Variants in NR3C2 observed in about 807,000 individuals in gnomAD.
NR3C2 encodes mineralocorticoid receptor.
In NR3C2, 15 loss-of-function variants were observed where a neutral mutation model predicts 86.4. That is an observed-to-expected ratio of 0.17 (90% CI 0.12 to 0.27). The LOEUF (loss-of-function observed/expected upper bound fraction) is 0.27. NR3C2 is among the 10% of genes least tolerant of loss of function. The probability of loss-of-function intolerance (pLI) is 1.00; values close to 1 mark genes in which losing one functional copy is unlikely to be tolerated. For missense variants in NR3C2, 960 were observed against 1,195.6 expected (o/e 0.80, Z 2.91); for synonymous variants, 458 against 450.5 (o/e 1.02, Z -0.21).
chr4:148,391,882 A>G (rs977830508), intron 2 of NR3C2, among the ~76,000 whole-genome samples: 4 of 151,534 alleles, frequency 2.6e-5, no homozygotes, highest in African/African-American at 9.7e-5. Flanking sequence ...AAAAAAAAAA[A>G]GAAAGTCAAA....
At chr4:148,141,417 ATCTCTCTC>A (rs150410024) in intron 6 of NR3C2, among the ~76,000 whole-genome samples, 1 of 146,622 alleles carries the variant, frequency 6.8e-6, no homozygotes, top group Non-Finnish European at 1.5e-5. Context: ...GTGAGACTCC[ATCTCTCTC>A]TCTCTCTCTC....
At chr4:148,163,753 A>G (rs985564848) in intron 4 of NR3C2, among the ~76,000 whole-genome samples, 2 of 152,206 alleles carry the variant, frequency 1.3e-5, no homozygotes, top group African/African-American at 2.4e-5. Context: ...GAGAATCTAT[A>G]TGTCAGGTAC....
intron 6 of NR3C2, among the ~76,000 whole-genome samples, chr4:148,151,384 A>C (rs1560947930): frequency 1.3e-5 from 2 of 152,170 alleles, no homozygotes; most frequent in Non-Finnish European, 2.9e-5. Flanking sequence ...AAGTTAATTA[A>C]ATTGTGCAAG....
chr4:148,239,006 A>G (rs752329077), intron 3 of NR3C2, among the ~76,000 whole-genome samples: 24 of 152,198 alleles, frequency 1.6e-4, no homozygotes, highest in Admixed American at 3.3e-4. Flanking sequence ...AAGCAGCCCA[A>G]CAGACAGATG....
chr4:148,416,521 C>T (rs1749011245), intron 2 of NR3C2, among the ~76,000 whole-genome samples: 1 of 152,196 alleles, frequency 6.6e-6, no homozygotes, highest in Non-Finnish European at 1.5e-5. Flanking sequence ...CTGAGGACAC[C>T]TGGCTGAAGA....
chr4:148,435,192 C>A lies in NR3C2; in HGVS notation c.1669G>T (p.Val557Leu). The A allele has an allele frequency of 6.2e-7, 1 of 1,614,152 alleles. No homozygotes were observed. The change falls in exon 2 of 9, where the codon GTG becomes TTG. Residue 557 changes from valine to leucine, a missense_variant. Physicochemically the swap from Val to Leu is conservative, Grantham distance 32. Around this residue, in one of 4 missense-constraint regions of NR3C2, gnomAD observed 680 missense variants for 719.0 expected, o/e 0.95. Coordinates refer to ENST00000358102, the MANE Select transcript of NR3C2 (RefSeq NM_000901.5). ...LSSFPPVNTL[V>L]ESWKSHGDLS... Reference sequence around the variant, plus strand: ...TCGCCGTGTGATTTCCATGACTCCACTAAAGTATTGACAGGAGGAAAGGAA... The same window carrying A: ...TCGCCGTGTGATTTCCATGACTCCAATAAAGTATTGACAGGAGGAAAGGAA...
At chr4:148,415,794 C>A (rs1748963233) in intron 2 of NR3C2, among the ~76,000 whole-genome samples, 1 of 152,188 alleles carries the variant, frequency 6.6e-6, no homozygotes, top group East Asian at 1.9e-4. Context: ...CAAATAAAAT[C>A]ATTACTGCTG....
chr4:148,139,701 G>A (rs1383996121), intron 6 of NR3C2, among the ~76,000 whole-genome samples: 3 of 152,202 alleles, frequency 2.0e-5, no homozygotes, highest in African/African-American at 2.4e-5. Flanking sequence ...CAAGTGCACA[G>A]TGCGCTTTAA....
At chr4:148,360,644 T>C (rs1007679334) in intron 2 of NR3C2, among the ~76,000 whole-genome samples, 3 of 152,344 alleles carry the variant, frequency 2.0e-5, no homozygotes, top group Middle Eastern at 3.4e-3. Flanking sequence ...GTTTGGATTA[T>C]AAAAAGAATC....
rs1202370477 is a variant in NR3C2 at position 148,154,782 on chromosome 4, C to A, written c.2134G>T (p.Ala712Ser). 2.6e-6 allele frequency: 4 copies of A among 1,531,586 alleles called. No homozygotes were observed. The highest frequency in any genetic ancestry group is 3.5e-6 in the Non-Finnish European group (4 of 1,140,134). 94.9% of individuals were successfully genotyped at this position (1,531,586 alleles called of 1,614,324 possible). A position where few individuals can be genotyped will look rare whatever the true frequency, so the allele number is the denominator to read the frequency against. ...QSPEEGTTYI[A>S]PAKEPSVNTA... ...TTGACCGAGGGTTCTTTTGCAGGAG[C>A]GATGTACGTTGTCCCTTCCTCTGGG... is the stretch of plus-strand genomic sequence containing the variant. Residue 712 changes from alanine (A) to serine (S), a missense_variant, in exon 5 of 9, where the codon GCT becomes TCT. Physicochemically the swap from Ala to Ser is moderately conservative, Grantham distance 99. This residue lies in a region of NR3C2 where 82 missense variants were observed against 73.0 expected (regional missense o/e 1.12). Transcript: ENST00000358102.
At chr4:148,233,518 G>A (rs181680108) in intron 3 of NR3C2, among the ~76,000 whole-genome samples, 94 of 151,890 alleles carry the variant, frequency 6.2e-4, no homozygotes, top group African/African-American at 2.0e-3. Context: ...ATGCCACCAC[G>A]CCTGGATAAT....
intron 2 of NR3C2, among the ~76,000 whole-genome samples, chr4:148,358,871 T>TA (rs745435707): frequency 6.6e-6 from 1 of 152,012 alleles, no homozygotes; most frequent in Non-Finnish European, 1.5e-5. Context: ...CCAAGAAGAG[T>TA]ATTTCCATTA....
intron 2 of NR3C2, among the ~76,000 whole-genome samples, chr4:148,276,926 C>A (rs1481426123): frequency 1.3e-5 from 2 of 152,144 alleles, no homozygotes; most frequent in Admixed American, 6.5e-5. Context: ...GTCTTTTACT[C>A]CAGTTAAAAT....
intron 2 of NR3C2, among the ~76,000 whole-genome samples, chr4:148,372,964 C>T (rs563096006): frequency 6.6e-6 from 1 of 152,172 alleles, no homozygotes; most frequent in African/African-American, 2.4e-5. Flanking sequence ...GATTTATACA[C>T]ACACATACAC....
chr4:148,267,108 C>T (rs942494003), intron 2 of NR3C2, among the ~76,000 whole-genome samples: 1 of 152,080 alleles, frequency 6.6e-6, no homozygotes, highest in Non-Finnish European at 1.5e-5. Flanking sequence ...AACTGTGTGC[C>T]ACACTTTCCT....
At chr4:148,373,843 C>T (rs1746543982) in intron 2 of NR3C2, among the ~76,000 whole-genome samples, 1 of 152,094 alleles carries the variant, frequency 6.6e-6, no homozygotes, top group Non-Finnish European at 1.5e-5. Context: ...AATTTAAACT[C>T]AGTTAATAGG....
At chr4:148,176,790 G>A (rs1417629727) in intron 4 of NR3C2, among the ~76,000 whole-genome samples, 1 of 152,262 alleles carries the variant, frequency 6.6e-6, no homozygotes, top group South Asian at 2.1e-4. Context: ...GGTTTTTGCT[G>A]AATAAATGAA....
chr4:148,157,153 T>C (rs1215637310), intron 4 of NR3C2, among the ~76,000 whole-genome samples: 5 of 87,534 alleles, frequency 5.7e-5, no homozygotes, highest in East Asian at 7.6e-4. Flanking sequence ...TGGGGACTGT[T>C]GTGGGGTGGG....
At chr4:148,280,063 A>T (rs913029571) in intron 2 of NR3C2, among the ~76,000 whole-genome samples, 1 of 152,222 alleles carries the variant, frequency 6.6e-6, no homozygotes, top group Non-Finnish European at 1.5e-5. Context: ...ACTGACAAAA[A>T]TATCTTATTT....
Sources: gnomAD v4.1 joint callset for allele counts (sites outside exome capture counted in the v4.1 genomes callset) on GRCh38, gnomAD v4.1.1 for gene constraint, gnomAD v4.1.1 regional missense constraint, MANE v1.5 for transcripts, NCBI Gene and HGNC (gene_info 2026-07-23, HGNC 2026-07-21) for gene names.